Variants in DPH3 observed in about 807,000 individuals in gnomAD.
DPH3 encodes diphthamide biosynthesis protein 3.
A neutral mutation model predicts 10.2 loss-of-function variants in DPH3; 8 were observed. The observed-to-expected ratio is 0.79, with a 90% confidence interval of 0.46 to 1.42. DPH3 has a LOEUF of 1.42. DPH3 is among the 40% of genes most tolerant of loss of function. DPH3 has a pLI of 0.00. For missense variants in DPH3, 96 were observed against 98.9 expected, an observed-to-expected ratio of 0.97 and a Z score of 0.12; for synonymous variants, 35 against 35.6, an observed-to-expected ratio of 0.98 and a Z score of 0.06.
rs2064273010 is a variant in DPH3 at position 16,258,993 on chromosome 3, T to A, written c.*1771A>T. The A allele has an allele frequency of 6.6e-6, 1 of 152,240 alleles. No homozygotes were observed. Among genetic ancestry groups the A allele is most frequent in the South Asian group, 2.1e-4 (1 of 4,834 alleles). The allele number at this position is 152,240 out of a possible 1,614,324, so 9.4% of individuals were successfully genotyped here. A position where few individuals can be genotyped will look rare whatever the true frequency, so the allele number is the denominator to read the frequency against. ...ACCTGGCAACTTTTCTTCCTGTTCT[T>A]CTATGTTCTTAGCAAACCCACATCA... is the stretch of plus-strand genomic sequence containing the variant. On this transcript the variant is annotated 3_prime_UTR_variant, in exon 3 of 3. Coordinates refer to ENST00000488423, the MANE Select transcript of DPH3 (RefSeq NM_206831.3).
Position 16,264,856 on chromosome 3 carries a change from C to T in DPH3, c.21G>A (p.Glu7=), listed in dbSNP as rs757721182. The T allele has an allele frequency of 8.1e-6, 13 of 1,614,110 alleles. No homozygotes were observed. In the Admixed American group the frequency reaches 1.0e-4, roughly 12 times the overall value. Residue 7 remains glutamate, a synonymous_variant, in exon 1 of 3, where the codon GAG becomes GAA. Coordinates refer to ENST00000488423, the MANE Select transcript of DPH3 (RefSeq NM_206831.3). The stretch of plus-strand genomic sequence containing the variant: ...CATATTGGAAGTCCTCGATTTCCAC[C>T]TCGTCATGAAACACTGCCATGGTCA... The part of the protein sequence containing the change: MAVFHD[E]VEIEDFQYDE...
At position 16,263,862 on chromosome 3, in the gene DPH3, A is replaced by T. The variant is rs932585597; in HGVS notation, c.183+293T>A. The stretch of plus-strand genomic sequence containing the variant: ...TTAATTACATATTAAATAGAAGAGA[A>T]ATATAAAAAATTGTCCACTAAAATA... On this transcript the variant is annotated intron_variant, in intron 2 of 2. Coordinates refer to ENST00000488423, the MANE Select transcript of DPH3 (RefSeq NM_206831.3). This position sits in a 1 kb window ranked among gnomAD's most constrained non-coding sequence, Gnocchi z 4.0. Among the ~76,000 whole-genome samples the T allele has an allele frequency of 3.3e-5, 5 of 152,264 alleles. No homozygotes were observed. The highest frequency in any genetic ancestry group is 4.4e-5 in the Non-Finnish European group (3 of 68,048).
In DPH3 at chr3:16,262,740, A is replaced by C. The variant is rs746283041; in HGVS notation, c.183+1415T>G. ...GCTCAACTTGGATGACAGACCTCTC[A>C]CTTAGTATGTACAATTTCAACCCCT... On this transcript the variant is annotated intron_variant, in intron 2 of 2. Transcript: ENST00000488423. This position sits in a 1 kb window ranked among gnomAD's most constrained non-coding sequence, Gnocchi z 4.7. Among the ~76,000 whole-genome samples, 2 of 152,176 alleles carry C rather than the reference A, an allele frequency of 1.3e-5. No homozygotes were observed. The highest frequency in any genetic ancestry group is 2.9e-5 in the Non-Finnish European group (2 of 68,034).
rs187838332 is a variant in DPH3 at position 16,262,826 on chromosome 3, C to T, written c.183+1329G>A. Among the ~76,000 whole-genome samples the T allele has an allele frequency of 1.3e-5, 2 of 152,174 alleles. No homozygotes were observed. The highest frequency in any genetic ancestry group is 2.9e-5 in the Non-Finnish European group (2 of 68,032). On this transcript the variant is annotated intron_variant, in intron 2 of 2. Coordinates refer to ENST00000488423, the MANE Select transcript of DPH3 (RefSeq NM_206831.3). This position sits in a 1 kb window ranked among gnomAD's most constrained non-coding sequence, Gnocchi z 4.7. The stretch of plus-strand genomic sequence containing the variant: ...TCCATCCTCCCAGTTATTAAGGTCA[C>T]AAATATTGAAATCATCCTTGTCTCA...
chr3:16,260,611 TG>T lies in DPH3; in HGVS notation c.*152del. On this transcript the variant is annotated 3_prime_UTR_variant, in exon 3 of 3. Transcript: ENST00000488423. ...TATGTCATGTTATGGACTTGCTTCC[TG>T]AAGATGATATCAGCAGTTGATAGAA... is the stretch of plus-strand genomic sequence containing the variant. 1.7e-6 allele frequency: 1 copy of T among 595,524 alleles called. No homozygotes were observed. Among genetic ancestry groups the T allele is most frequent in the East Asian group, 2.8e-5 (1 of 35,738 alleles). 36.9% of individuals were successfully genotyped at this position (595,524 alleles called of 1,614,324 possible). A position where few individuals can be genotyped will look rare whatever the true frequency, so the allele number is the denominator to read the frequency against.
intron 2 of DPH3, 95 bp downstream of exon 2, chr3:16,264,060 G>T: frequency 1.4e-6 from 1 of 734,266 alleles, no homozygotes; most frequent in Non-Finnish European, 2.0e-6. Flanking sequence ...CTAGCACAAT[G>T]AAACATTCTC....
intron 1 of DPH3, 21 bp downstream of exon 1, chr3:16,264,748 C>T: frequency 1.2e-6 from 2 of 1,612,368 alleles, no homozygotes; most frequent in Admixed American, 1.7e-5. Context: ...GGTGAACCGC[C>T]GGGCGGGACC....
In DPH3 at chr3:16,259,580, C is replaced by T. The variant is rs573672436; in HGVS notation, c.*1184G>A. ...TTTCAAATTTCCAATGTAAATGATT[C>T]TAATTTCTTGCTATGCTTAGTACTG... On this transcript the variant is annotated 3_prime_UTR_variant, in exon 3 of 3. Coordinates refer to ENST00000488423, the MANE Select transcript of DPH3 (RefSeq NM_206831.3). The T allele has an allele frequency of 6.6e-6, 1 of 152,236 alleles. No individual in the cohort carries two copies. Among genetic ancestry groups the T allele is most frequent in the South Asian group, 2.1e-4 (1 of 4,816 alleles). The allele number at this position is 152,236 out of a possible 1,614,324, so 9.4% of individuals were successfully genotyped here. A position where few individuals can be genotyped will look rare whatever the true frequency, so the allele number is the denominator to read the frequency against.
In DPH3 at chr3:16,264,310, G is replaced by A. The variant is rs1197863869; in HGVS notation, c.109-81C>T. On this transcript the variant is annotated intron_variant, in intron 1 of 2. Transcript: ENST00000488423. ...CCCCAAACCTATCCCACCCCTAGAT[G>A]CAAGTCTCTTGGTGGCTTGCCTTCC... 3.5e-6 allele frequency: 4 copies of A among 1,157,570 alleles called. No homozygotes were observed. In the African/African-American group the frequency reaches 4.6e-5, roughly 13 times the overall value. 71.7% of individuals were successfully genotyped at this position (1,157,570 alleles called of 1,614,324 possible). A position where few individuals can be genotyped will look rare whatever the true frequency, so the allele number is the denominator to read the frequency against.
In DPH3 at chr3:16,258,295, A is replaced by C. The variant is rs1313740479; in HGVS notation, c.*2469T>G. ...TAGAGAACTGACAGCTGAGAAAGGC[A>C]ATCACCTGATCGAGTCTCCTAATTG... On this transcript the variant is annotated 3_prime_UTR_variant, in exon 3 of 3. Transcript: ENST00000488423. The C allele has an allele frequency of 1.3e-5, 2 of 152,258 alleles. No homozygotes were observed. The highest frequency in any genetic ancestry group is 1.3e-4 in the Admixed American group (2 of 15,288). The allele number at this position is 152,258 out of a possible 1,614,324, so 9.4% of individuals were successfully genotyped here. A position where few individuals can be genotyped will look rare whatever the true frequency, so the allele number is the denominator to read the frequency against.
rs184555088 is a variant in DPH3, at chr3:16,258,437, C to T, written c.*2327G>A. On this transcript the variant is annotated 3_prime_UTR_variant, in exon 3 of 3. Transcript: ENST00000488423. ...GGAATGTCTTGAGCTAAATAAGGCACACGTATCACACAGAACTTTAGTCGT... is the reference window on the plus strand; with the variant it reads ...GGAATGTCTTGAGCTAAATAAGGCATACGTATCACACAGAACTTTAGTCGT... 6.6e-6 allele frequency: 1 copy of T among 152,290 alleles called. No individual in the cohort carries two copies. The highest frequency in any genetic ancestry group is 6.5e-5 in the Admixed American group (1 of 15,300). 9.4% of individuals were successfully genotyped at this position (152,290 alleles called of 1,614,324 possible).
intron 1 of DPH3, 139 bp from the exon 2 acceptor site, chr3:16,264,368 GCGAGAAATGC>G: frequency 1.7e-6 from 1 of 571,646 alleles, no homozygotes; most frequent in East Asian, 3.0e-5. Flanking sequence ...AGGGCCTTCA[GCGAGAAATGC>G]CGACATCATT....
chr3:16,260,518 T>C lies in DPH3; in HGVS notation c.*246A>G, dbSNP rs1022770957. 4 of 432,476 alleles carry C rather than the reference T, an allele frequency of 9.2e-6. No individual in the cohort carries two copies. Among genetic ancestry groups the C allele is most frequent in the African/African-American group, 4.0e-5 (2 of 50,560 alleles). 26.8% of individuals were successfully genotyped at this position (432,476 alleles called of 1,614,324 possible). A position where few individuals can be genotyped will look rare whatever the true frequency, so the allele number is the denominator to read the frequency against. On this transcript the variant is annotated 3_prime_UTR_variant, in exon 3 of 3. Coordinates refer to ENST00000488423, the MANE Select transcript of DPH3 (RefSeq NM_206831.3). ...GAAAGAAAGCACTGTTTTGAAATTA[T>C]CTTCTTTTAAATTTAGATGCATAAT...
At chr3:16,260,934 T>G in intron 2 of DPH3, 105 bp from the exon 3 acceptor site, 1 of 987,522 alleles carries the variant, frequency 1.0e-6, no homozygotes, top group Non-Finnish European at 1.5e-6. Flanking sequence ...CTGTTAATTG[T>G]TTTTCATTTG....
Position 16,264,832 on chromosome 3 carries a change from A to AT in DPH3, c.44dup (p.Tyr15Ter). ...AGAAATACGTCTCCGAGTCCTCGTC[A>AT]TATTGGAAGTCCTCGATTTCCACCT... ...HDEVEIEDFQ[Y>*]DEDSETYFYP... The change falls in exon 1 of 3, where the codon TAT (tyrosine) becomes TAAT (stop). Residue 15 changes from tyrosine to a stop codon, truncating the protein, a stop_gained and frameshift_variant. Transcript: ENST00000488423. LOFTEE classifies it high-confidence loss of function. 1 of 1,614,226 alleles carries AT rather than the reference A, an allele frequency of 6.2e-7. No homozygotes were observed. The highest frequency in any genetic ancestry group is 8.5e-7 in the Non-Finnish European group (1 of 1,180,038).
In DPH3 at chr3:16,260,758, G is replaced by A. The variant is rs778354921; in HGVS notation, c.*6C>T. 11 of 1,612,324 alleles carry A rather than the reference G, an allele frequency of 6.8e-6. No individual in the cohort carries two copies. The highest frequency in any genetic ancestry group is 8.5e-6 in the Non-Finnish European group (10 of 1,178,774). ...ATGTTCAGGATTTGGATTCCTGAAG[G>A]CTTCTTCAGCATTTAACTAATTCTT... On this transcript the variant is annotated 3_prime_UTR_variant, in exon 3 of 3. Coordinates refer to ENST00000488423, the MANE Select transcript of DPH3 (RefSeq NM_206831.3).
rs75354964 is a variant in DPH3 at position 16,263,649 on chromosome 3, AT to A, written c.183+505del. Among the ~76,000 whole-genome samples the A allele has an allele frequency of 0.33, 50,415 of 150,660 alleles. 9,003 individuals carry two copies. Among genetic ancestry groups the A allele is most frequent in the Non-Finnish European group, 0.39 (26,482 of 67,608 alleles). ...TTGGGTAGGAGTGGGCAGTAATAAC[AT>A]TTTTTTTTTCTATTGTCAACATCCT... On this transcript the variant is annotated intron_variant, in intron 2 of 2. Transcript: ENST00000488423. The surrounding 1 kb of genome is among the most constrained non-coding windows in gnomAD (Gnocchi z 4.0).
At position 16,262,398 on chromosome 3, in the gene DPH3, G is replaced by C. The variant is rs1044766845; in HGVS notation, c.184-1569C>G. 6.6e-6 allele frequency among the ~76,000 whole-genome samples: 1 copy of C among 152,158 alleles called. No individual in the cohort carries two copies. Among genetic ancestry groups the C allele is most frequent in the Admixed American group, 6.5e-5 (1 of 15,278 alleles). Reference sequence around the variant, plus strand: ...CTTGATTGCTTCCTATCAGTGTCACGTGACAAGGATCACCACTTCCTCAAT... The same window carrying C: ...CTTGATTGCTTCCTATCAGTGTCACCTGACAAGGATCACCACTTCCTCAAT... On this transcript the variant is annotated intron_variant, in intron 2 of 2. Transcript: ENST00000488423. This position sits in a 1 kb window ranked among gnomAD's most constrained non-coding sequence, Gnocchi z 4.7.
chr3:16,258,262 C>G lies in DPH3; in HGVS notation c.*2502G>C, dbSNP rs1019944276. On this transcript the variant is annotated 3_prime_UTR_variant, in exon 3 of 3. Transcript: ENST00000488423. ...ATTTCAGTTCCTACAAGCTACCAAG[C>G]CTGAAATTAGAGAACTGACAGCTGA... 7.9e-5 allele frequency: 12 copies of G among 152,160 alleles called. No homozygotes were observed. Among genetic ancestry groups the G allele is most frequent in the African/African-American group, 2.9e-4 (12 of 41,416 alleles). The allele number at this position is 152,160 out of a possible 1,614,324, so 9.4% of individuals were successfully genotyped here. A position where few individuals can be genotyped will look rare whatever the true frequency, so the allele number is the denominator to read the frequency against.
Sources: allele counts gnomAD v4.1 joint callset (sites outside exome capture counted in the v4.1 genomes callset), GRCh38; gene constraint gnomAD v4.1.1; non-coding constraint Gnocchi (gnomAD v3.1); transcripts MANE v1.5; gene names NCBI Gene and HGNC (gene_info 2026-07-23, HGNC 2026-07-21).